The following ZBTB38 variants were observed in gnomAD, a reference collection of about 807,000 sequenced individuals.
ZBTB38 encodes the protein zinc finger and BTB domain-containing protein 38.
A neutral mutation model predicts 76.8 loss-of-function variants in ZBTB38; 20 were observed. The ratio of observed to expected loss-of-function variants is 0.26; its 90% CI spans 0.18 to 0.38. The LOEUF (loss-of-function observed/expected upper bound fraction) is 0.38, where lower values mean the gene tolerates loss of function less well. Ranked by LOEUF, ZBTB38 falls within the 10% of genes least tolerant of loss-of-function variation. The pLI is 1.00. For missense variants in ZBTB38, 1,082 were observed against 1,482.3 expected, an observed-to-expected ratio of 0.73 and a Z score of 4.43; for synonymous variants, 504 against 544.2, an observed-to-expected ratio of 0.93 and a Z score of 1.03.
At chr3:141,420,633 A>T (rs2075143506) in intron 5 of ZBTB38, among the ~76,000 whole-genome samples, 1 of 152,232 alleles carries the variant, frequency 6.6e-6, no homozygotes, top group Non-Finnish European at 1.5e-5. Flanking sequence ...TAATAGATTT[A>T]AAAATATTTT....
intron 1 of ZBTB38, among the ~76,000 whole-genome samples, chr3:141,325,145 T>C (rs981232929): frequency 9.9e-5 from 15 of 152,212 alleles, no homozygotes; most frequent in African/African-American, 3.6e-4. Context: ...ACTGGTCCAT[T>C]TGATATTTAG....
chr3:141,446,262 A>C lies in ZBTB38; in HGVS notation c.*286A>C. 8.3e-6 allele frequency: 2 copies of C among 240,870 alleles called. No homozygotes were observed. The highest frequency in any genetic ancestry group is 1.6e-5 in the Non-Finnish European group (2 of 125,512). The allele number at this position is 240,870 out of a possible 1,614,324, so 14.9% of individuals were successfully genotyped here. A position where few individuals can be genotyped will look rare whatever the true frequency, so the allele number is the denominator to read the frequency against. On this transcript the variant is annotated 3_prime_UTR_variant, in exon 6 of 6. Transcript: ENST00000321464. ...GCTGTGGTATTTCTACCAGTGAAAA[A>C]AGGAGTTTAATTTTAGCCTAGTTTA...
upstream of ZBTB38, among the ~76,000 whole-genome samples, chr3:141,365,441 G>A (rs190089957): frequency 1.3e-5 from 2 of 152,302 alleles, no homozygotes; most frequent in East Asian, 3.9e-4. Context: ...GGCTGAGAGT[G>A]CTAGCTCAGG....
At chr3:141,345,204 G>T (rs1943312801) in intron 1 of ZBTB38, among the ~76,000 whole-genome samples, 2 of 152,160 alleles carry the variant, frequency 1.3e-5, no homozygotes, top group South Asian at 4.1e-4. Context: ...TAGATGTATG[G>T]CTTAGGAAGA....
Position 141,444,032 on chromosome 3 carries a change from T to TA in ZBTB38, c.1651dup (p.Thr551AsnfsTer9). ...CCATCGATCATAGACTTTCCATCAG[T>TA]AAAAAAACAGCAAATGGAGGCTTGA... On this transcript the variant is annotated frameshift_variant, in exon 6 of 6. Coordinates refer to ENST00000321464, the MANE Select transcript of ZBTB38 (RefSeq NM_001376113.1). LOFTEE classifies it high-confidence loss of function. The surrounding 1 kb of genome is among the most constrained non-coding windows in gnomAD (Gnocchi z 5.1). 1 of 1,614,062 alleles carries TA rather than the reference T, an allele frequency of 6.2e-7. No homozygotes were observed. The highest frequency in any genetic ancestry group is 8.5e-7 in the Non-Finnish European group (1 of 1,180,010).
rs545103297 is a variant in ZBTB38, at chr3:141,338,616, G to C, written c.-739+14160G>C. 2.0e-5 allele frequency among the ~76,000 whole-genome samples: 3 copies of C among 152,320 alleles called. No individual in the cohort carries two copies. In the South Asian group the frequency reaches 6.2e-4, roughly 32 times the overall value. On this transcript the variant is annotated intron_variant, in intron 1 of 7. Transcript: ENST00000509842. ...ATTGAGTACACATGGACACAAAGAG[G>C]AGAACAATAGACAACAGGGTCTACT...
At chr3:141,363,312 G>T (rs1308396621) in intron 1 of ZBTB38, among the ~76,000 whole-genome samples, 2 of 152,186 alleles carry the variant, frequency 1.3e-5, no homozygotes, top group East Asian at 3.8e-4. Flanking sequence ...GCTAATATGG[G>T]ATTACTCCCA....
At chr3:141,353,811 T>A (rs2148939705) in intron 1 of ZBTB38, among the ~76,000 whole-genome samples, 1 of 152,266 alleles carries the variant, frequency 6.6e-6, no homozygotes, top group South Asian at 2.1e-4. Context: ...TGGTTCACTG[T>A]TACTCACTGT....
chr3:141,345,668 C>T (rs1028877206), intron 1 of ZBTB38, among the ~76,000 whole-genome samples: 8 of 152,102 alleles, frequency 5.3e-5, no homozygotes, highest in African/African-American at 1.9e-4. Context: ...CATATTACTT[C>T]TCCCTGAGCT....
At chr3:141,369,591 A>C (rs1350303701) in intron 1 of ZBTB38, among the ~76,000 whole-genome samples, 4 of 152,132 alleles carry the variant, frequency 2.6e-5, no homozygotes, top group African/African-American at 4.8e-5. Context: ...TCATACCCTG[A>C]TTTTCCCGGC....
At position 141,442,458 on chromosome 3, in the gene ZBTB38, A is replaced by C. The variant is rs753380206; in HGVS notation, c.70A>C (p.Asn24His). ...CAGTGACACGGTACTCTCCATCTTA[A>C]ATGAGCAGCGCATTCGGGGCATTTT... is the stretch of plus-strand genomic sequence containing the variant. Reference protein sequence around the residue: ...FHSDTVLSILNEQRIRGILCD... With the variant: ...FHSDTVLSILHEQRIRGILCD... Residue 24 changes from asparagine to histidine, a missense_variant, in exon 6 of 6, where the codon AAT becomes CAT. Coordinates refer to ENST00000321464, the MANE Select transcript of ZBTB38 (RefSeq NM_001376113.1). The surrounding 1 kb of genome is among the most constrained non-coding windows in gnomAD (Gnocchi z 6.4). 6.2e-7 allele frequency: 1 copy of C among 1,614,186 alleles called. No individual in the cohort carries two copies. The highest frequency in any genetic ancestry group is 8.5e-7 in the Non-Finnish European group (1 of 1,180,040).
intron 5 of ZBTB38, among the ~76,000 whole-genome samples, chr3:141,433,826 A>G (rs772297275): frequency 1.4e-4 from 21 of 152,220 alleles, no homozygotes; most frequent in Non-Finnish European, 1.5e-4. Context: ...GGAATTTTTT[A>G]ATAGCCTTTT....
chr3:141,426,959 C>G (rs907958603), intron 5 of ZBTB38, among the ~76,000 whole-genome samples: 2 of 151,514 alleles, frequency 1.3e-5, no homozygotes, highest in African/African-American at 4.9e-5. Context: ...CCAGCAATGT[C>G]GATTTGTGTG....
At chr3:141,441,322 C>G (rs146382951) in intron 5 of ZBTB38, among the ~76,000 whole-genome samples, 105 of 152,284 alleles carry the variant, frequency 6.9e-4, no homozygotes, top group African/African-American at 2.5e-3. Context: ...AGAACAAGAG[C>G]CACTGTGCCT....
chr3:141,330,185 T>A (rs1037037954), intron 1 of ZBTB38, among the ~76,000 whole-genome samples: 2 of 152,020 alleles, frequency 1.3e-5, no homozygotes, highest in Non-Finnish European at 2.9e-5. Context: ...CAGTGTTGAC[T>A]ATAGCCAGTG....
At chr3:141,333,751 T>G (rs1048284823) in intron 1 of ZBTB38, among the ~76,000 whole-genome samples, 1 of 152,190 alleles carries the variant, frequency 6.6e-6, no homozygotes, top group African/African-American at 2.4e-5. Flanking sequence ...TGTTGGGTTT[T>G]GGAGCACACA....
At chr3:141,341,316 A>G (rs909539099) in intron 1 of ZBTB38, among the ~76,000 whole-genome samples, 2 of 152,240 alleles carry the variant, frequency 1.3e-5, no homozygotes, top group Admixed American at 6.5e-5. Context: ...TATACCCAAG[A>G]TAAATTAAAA....
At chr3:141,418,369 C>A (rs1402535986) in intron 5 of ZBTB38, among the ~76,000 whole-genome samples, 1 of 152,180 alleles carries the variant, frequency 6.6e-6, no homozygotes, top group East Asian at 1.9e-4. Flanking sequence ...ATGCCTTTTT[C>A]CCTCTTGGAT....
At chr3:141,386,621 A>G (rs1947199097) in intron 3 of ZBTB38, 1 of 152,450 alleles carries the variant, frequency 6.6e-6, no homozygotes, top group Non-Finnish European at 1.5e-5. Context: ...GACCAGATAC[A>G]TACTGTATTG....
Sources: gnomAD v4.1 joint callset for allele counts (sites outside exome capture counted in the v4.1 genomes callset) on GRCh38, gnomAD v4.1.1 for gene constraint, Gnocchi (gnomAD v3.1) non-coding constraint, MANE v1.5 for transcripts, NCBI Gene and HGNC (gene_info 2026-07-23, HGNC 2026-07-21) for gene names.